The following PDE4DIP variants were observed in gnomAD, a reference collection of about 807,000 sequenced individuals.
PDE4DIP encodes the protein phosphodiesterase 4D interacting protein, also known as myomegalin.
Under a neutral mutation model 221.4 loss-of-function variants are expected in PDE4DIP, and 59 were observed. The ratio of observed to expected loss-of-function variants is 0.27; its 90% CI spans 0.22 to 0.33. The LOEUF (loss-of-function observed/expected upper bound fraction) is 0.33, where lower values mean the gene tolerates loss of function less well. PDE4DIP is among the 10% of genes least tolerant of loss of function. The pLI, the probability that PDE4DIP is intolerant of heterozygous loss-of-function variation, is 1.00. For synonymous variants in PDE4DIP, 404 were observed against 815.9 expected (o/e 0.50, Z 8.60); for missense variants, 1,036 against 2,154.2 (o/e 0.48, Z 10.28).
chr1:148,885,166 CA>C (rs1244896546), upstream of PDE4DIP, among the ~76,000 whole-genome samples: 1 of 146,078 alleles, frequency 6.8e-6, no homozygotes, highest in East Asian at 2.1e-4. Context: ...AGACAAGAAA[CA>C]AAATAAATAA....
intron 17 of PDE4DIP, among the ~76,000 whole-genome samples, chr1:148,975,221 G>C (rs1482239505): frequency 6.8e-6 from 1 of 147,684 alleles, no homozygotes; most frequent in African/African-American, 2.5e-5. Context: ...GTGAAAAAAG[G>C]AAGCGCTGTG....
chr1:148,944,748 G>A (rs2051234467), intron 5 of PDE4DIP, among the ~76,000 whole-genome samples: 1 of 151,820 alleles, frequency 6.6e-6, no homozygotes, highest in African/African-American at 2.4e-5. Flanking sequence ...ACGCGTGCCT[G>A]TAATCCCAGC....
chr1:148,978,466 TC>T (rs2060566142), intron 19 of PDE4DIP, 51 bp downstream of exon 22: 30 of 1,292,224 alleles, frequency 2.3e-5, no homozygotes, highest in South Asian at 1.5e-4. Flanking sequence ...TTTTTTGTAT[TC>T]TTTTTTTTTT....
At chr1:148,970,970 C>T (rs1416943329) in intron 14 of PDE4DIP, among the ~76,000 whole-genome samples, 7 of 151,856 alleles carry the variant, frequency 4.6e-5, no homozygotes, top group Non-Finnish European at 8.8e-5. Flanking sequence ...TACTTTTCCT[C>T]AGAGACAGTT....
At chr1:148,822,610 T>C (rs1669598689) in intron 1 of PDE4DIP, among the ~76,000 whole-genome samples, 1 of 149,676 alleles carries the variant, frequency 6.7e-6, no homozygotes, top group Non-Finnish European at 1.5e-5. Context: ...CTAGGACACT[T>C]TAACCTCTTC....
intron 5 of PDE4DIP, among the ~76,000 whole-genome samples, chr1:148,948,719 C>T (rs1210968971): frequency 6.6e-5 from 10 of 151,086 alleles, no homozygotes; most frequent in South Asian, 2.1e-4. Flanking sequence ...GATCTAAGTG[C>T]CCAGTTCAAT....
intron 2 of PDE4DIP, among the ~76,000 whole-genome samples, chr1:148,867,989 T>C (rs1278826167): frequency 1.4e-4 from 21 of 150,560 alleles, no homozygotes; most frequent in African/African-American, 4.4e-4. Context: ...TGCTCACATG[T>C]CTGGCAGGTG....
chr1:148,992,363 G>A (rs1298995852), intron 22 of PDE4DIP: 16 of 1,532,184 alleles, frequency 1.0e-5, no homozygotes, highest in East Asian at 4.6e-5. Flanking sequence ...AGGGCTGCTC[G>A]GGGAGGTGGC....
intron 38 of PDE4DIP, chr1:149,025,860 T>TA (rs1365948790): frequency 6.6e-5 from 10 of 151,744 alleles, no homozygotes; most frequent in Non-Finnish European, 1.0e-4. Flanking sequence ...GGCAATTCAA[T>TA]AAAAAAACAC....
chr1:148,981,717 C>T, intron 21 of PDE4DIP: 1 of 296,684 alleles, frequency 3.4e-6, no homozygotes, highest in Non-Finnish European at 6.7e-6. Context: ...CATTCTTATC[C>T]CTAGCCCCTT....
At chr1:148,934,214 C>G (rs1305535394) in intron 4 of PDE4DIP, among the ~76,000 whole-genome samples, 29 of 152,136 alleles carry the variant, frequency 1.9e-4, no homozygotes, top group African/African-American at 7.0e-4. Context: ...TGTATTGTTT[C>G]TTTTATATAT....
chr1:148,961,806 C>T (rs1553510375), intron 6 of PDE4DIP, 31 bp from the exon 10 acceptor site: 1 of 873,288 alleles, frequency 1.1e-6, no homozygotes, highest in Non-Finnish European at 1.9e-6. Context: ...CATCATTGAC[C>T]TAAAAAACTG....
chr1:148,968,867 G>A (rs1553521310), exon 14 of PDE4DIP: 2 of 1,613,292 alleles, frequency 1.2e-6, no homozygotes, highest in East Asian at 2.2e-5. Context: ...TGCAAACTTG[G>A]ACCAGGGCAG....
rs781877147 is a variant in PDE4DIP, at chr1:148,977,893, T to C, written c.2320-44T>C. 7 of 1,601,672 alleles carry C rather than the reference T, an allele frequency of 4.4e-6. No homozygotes were observed. In the East Asian group the frequency reaches 6.7e-5, roughly 15 times the overall value. On this transcript the variant is annotated intron_variant, in intron 17 of 43. Transcript: ENST00000369354. ...GGATATGCAAAAGCATTTGCCTCAG[T>C]GTTAAAATGTAAACATGGCAGACAT...
exon 2 of PDE4DIP, chr1:148,929,246 A>G (rs142987550): frequency 1.2e-6 from 2 of 1,613,430 alleles, no homozygotes; most frequent in African/African-American, 2.7e-5. Flanking sequence ...GAACTCCAGG[A>G]CAAGAAACAG....
intron 2 of PDE4DIP, chr1:148,866,547 A>T (rs1179787141): frequency 3.9e-5 from 1 of 25,898 alleles, no homozygotes; most frequent in Non-Finnish European, 7.2e-5. Context: ...GGAAGGAGGG[A>T]GAGAGGAGGG....
intron 6 of PDE4DIP, among the ~76,000 whole-genome samples, chr1:148,961,588 C>T (rs1444977930): frequency 1.3e-5 from 2 of 152,226 alleles, no homozygotes; most frequent in Non-Finnish European, 2.9e-5. Context: ...CCTAGTATGG[C>T]TGCCATCATA....
chr1:148,935,078 G>A (rs587728703), intron 4 of PDE4DIP, among the ~76,000 whole-genome samples: 5 of 152,216 alleles, frequency 3.3e-5, no homozygotes, highest in African/African-American at 1.2e-4. Flanking sequence ...GTTGGGCATG[G>A]TGGCGCATGC....
At chr1:148,972,521 A>G in exon 16 of PDE4DIP, 2 of 563,944 alleles carry the variant, frequency 3.5e-6, no homozygotes, top group Non-Finnish European at 3.1e-6. Flanking sequence ...GGTTCAATGC[A>G]GATACCTTCC....
Sources: allele counts gnomAD v4.1 joint callset (sites outside exome capture counted in the v4.1 genomes callset), GRCh38; gene constraint gnomAD v4.1.1; transcripts MANE v1.5; gene names NCBI Gene and HGNC (gene_info 2026-07-23, HGNC 2026-07-21).